Variants in RAP1GDS1 observed in about 807,000 individuals in gnomAD.
The protein encoded by RAP1GDS1 is RAP1, GTP-GDP dissociation stimulator 1.
In RAP1GDS1, 35 loss-of-function variants were observed where a neutral mutation model predicts 71.1. The observed-to-expected ratio is 0.49, with a 90% CI of 0.38 to 0.65. The LOEUF (loss-of-function observed/expected upper bound fraction) is 0.65, where lower values mean the gene tolerates loss of function less well. RAP1GDS1 is among the 30% of genes least tolerant of loss of function. RAP1GDS1 has a pLI of 0.00. For missense variants in RAP1GDS1, 663 were observed against 706.1 expected, an observed-to-expected ratio of 0.94 and a Z score of 0.69; for synonymous variants, 229 against 243.1, an observed-to-expected ratio of 0.94 and a Z score of 0.54.
At chr4:98,349,849 A>G (rs774425156) in intron 3 of RAP1GDS1, among the ~76,000 whole-genome samples, 2 of 151,592 alleles carry the variant, frequency 1.3e-5, no homozygotes, top group Non-Finnish European at 2.9e-5. Context: ...TTTTTTTTTA[A>G]TATATCTGCC....
intron 2 of RAP1GDS1, among the ~76,000 whole-genome samples, chr4:98,319,417 T>G (rs1288615202): frequency 2.0e-5 from 3 of 152,214 alleles, no homozygotes; most frequent in African/African-American, 7.2e-5. Flanking sequence ...TGATGTAATA[T>G]GTATTGGTTT....
At chr4:98,415,565 A>G (rs1208935790) in intron 7 of RAP1GDS1, among the ~76,000 whole-genome samples, 1 of 152,192 alleles carries the variant, frequency 6.6e-6, no homozygotes, top group Admixed American at 6.5e-5. Context: ...CAGGAGATAG[A>G]TGGAGACAGA....
intron 4 of RAP1GDS1, among the ~76,000 whole-genome samples, chr4:98,356,172 C>T (rs1368883731): frequency 6.6e-6 from 1 of 151,830 alleles, no homozygotes; most frequent in Non-Finnish European, 1.5e-5. Context: ...AAAATATGTG[C>T]GATTGATGGG....
intron 2 of RAP1GDS1, among the ~76,000 whole-genome samples, chr4:98,302,799 A>C (rs528881679): frequency 3.0e-4 from 45 of 152,330 alleles, no homozygotes; most frequent in Non-Finnish European, 5.4e-4. Flanking sequence ...TAATCCCAGC[A>C]CTTTGGGAGG....
intron 2 of RAP1GDS1, among the ~76,000 whole-genome samples, chr4:98,326,167 A>C (rs191694892): frequency 1.4e-3 from 218 of 152,114 alleles, no homozygotes; most frequent in Non-Finnish European, 2.9e-3. Flanking sequence ...AATAGAACTT[A>C]ATTCTTCCCT....
intron 2 of RAP1GDS1, among the ~76,000 whole-genome samples, chr4:98,308,297 C>CTATACATATATA: frequency 1.4e-5 from 1 of 73,228 alleles, no homozygotes; most frequent in Admixed American, 1.8e-4. Flanking sequence ...CACACACACA[C>CTATACATATATA]TATATATATA....
chr4:98,265,913 G>A (rs1298953994), intron 1 of RAP1GDS1, among the ~76,000 whole-genome samples: 2 of 152,076 alleles, frequency 1.3e-5, no homozygotes, highest in East Asian at 1.9e-4. Context: ...ACTTTAAGAG[G>A]TTTAGTAGAT....
At chr4:98,325,365 G>A (rs1328265735) in intron 2 of RAP1GDS1, among the ~76,000 whole-genome samples, 9 of 151,162 alleles carry the variant, frequency 6.0e-5, no homozygotes, top group Admixed American at 1.3e-4. Context: ...TCAGTGTGGC[G>A]ATTCCTCAGG....
At chr4:98,408,988 C>T (rs574040940) in intron 7 of RAP1GDS1, among the ~76,000 whole-genome samples, 6 of 152,110 alleles carry the variant, frequency 3.9e-5, no homozygotes, top group South Asian at 2.1e-4. Flanking sequence ...GGATCATCCC[C>T]GCTTCCATTT....
chr4:98,388,702 A>G (rs1424360840), intron 5 of RAP1GDS1, among the ~76,000 whole-genome samples: 1 of 152,138 alleles, frequency 6.6e-6, no homozygotes, highest in Non-Finnish European at 1.5e-5. Flanking sequence ...CTCCAGCCTG[A>G]GCAACAGAGT....
Position 98,443,797 on chromosome 4 carries a change from A to G in RAP1GDS1, c.*1680A>G, listed in dbSNP as rs1283155841. The G allele has an allele frequency of 5.5e-6, 1 of 183,482 alleles. No individual in the cohort carries two copies. Among genetic ancestry groups the G allele is most frequent in the Non-Finnish European group, 1.2e-5 (1 of 86,360 alleles). 11.4% of individuals were successfully genotyped at this position (183,482 alleles called of 1,614,324 possible). A position where few individuals can be genotyped will look rare whatever the true frequency, so the allele number is the denominator to read the frequency against. The stretch of plus-strand genomic sequence containing the variant: ...ACTATATTTTATTACAGGCTTTGAA[A>G]GACATCTGTAATGTTGCATATCTGT... On this transcript the variant is annotated 3_prime_UTR_variant, in exon 15 of 15. Transcript: ENST00000408927.
chr4:98,328,487 G>T (rs922554788), intron 2 of RAP1GDS1, among the ~76,000 whole-genome samples: 1 of 152,154 alleles, frequency 6.6e-6, no homozygotes, highest in Non-Finnish European at 1.5e-5. Context: ...CGTGTGATTC[G>T]TACATCAGGC....
intron 7 of RAP1GDS1, among the ~76,000 whole-genome samples, chr4:98,411,202 T>C (rs2110169535): frequency 1.3e-5 from 2 of 152,388 alleles, no homozygotes; most frequent in Non-Finnish European, 2.9e-5. Context: ...TGCTGGGCTG[T>C]CTGCTTTGGC....
At chr4:98,421,109 A>C in intron 11 of RAP1GDS1, 146 bp from the exon 12 acceptor site, 1 of 830,334 alleles carries the variant, frequency 1.2e-6, no homozygotes, top group East Asian at 2.9e-5. Flanking sequence ...ATAGCCCATC[A>C]CATAAGGAAT....
intron 12 of RAP1GDS1, among the ~76,000 whole-genome samples, chr4:98,430,304 C>T (rs1252048891): frequency 6.6e-6 from 1 of 152,136 alleles, no homozygotes; most frequent in East Asian, 1.9e-4. Context: ...ACATATCTTT[C>T]CTACAATTGA....
chr4:98,382,525 A>C (rs1215178325), intron 5 of RAP1GDS1, among the ~76,000 whole-genome samples: 1 of 151,418 alleles, frequency 6.6e-6, no homozygotes, highest in African/African-American at 2.4e-5. Context: ...TTTTGTTACA[A>C]CTTTAGTTAT....
chr4:98,387,077 G>A (rs778901518), intron 5 of RAP1GDS1, among the ~76,000 whole-genome samples: 44 of 152,234 alleles, frequency 2.9e-4, no homozygotes, highest in Middle Eastern at 6.8e-3. Flanking sequence ...TTTGACTGTA[G>A]ATGGGATTTT....
Position 98,312,123 on chromosome 4 carries a change from A to G in RAP1GDS1, c.112+18608A>G, listed in dbSNP as rs181643928. Among the ~76,000 whole-genome samples, 131 of 152,326 alleles carry G rather than the reference A, an allele frequency of 8.6e-4. 1 individual carries two copies. The highest frequency in any genetic ancestry group is 5.0e-3 in the South Asian group (24 of 4,824). On this transcript the variant is annotated intron_variant, in intron 2 of 14. Transcript: ENST00000408927. ...AACAAGGCTTATGGTTTCTTCTACT[A>G]TGATACTTGTAGACCTGTTTAGCTC...
intron 4 of RAP1GDS1, among the ~76,000 whole-genome samples, chr4:98,369,987 T>G (rs1015050902): frequency 7.2e-5 from 11 of 152,246 alleles, no homozygotes; most frequent in African/African-American, 2.7e-4. Flanking sequence ...GCTATGAATC[T>G]CTTTCTGACT....
Sources: gnomAD v4.1 joint callset for allele counts (sites outside exome capture counted in the v4.1 genomes callset) on GRCh38, gnomAD v4.1.1 for gene constraint, MANE v1.5 for transcripts, NCBI Gene and HGNC (gene_info 2026-07-23, HGNC 2026-07-21) for gene names.